The following SHC3 variants were observed in gnomAD, a reference collection of about 807,000 sequenced individuals.
SHC3 encodes SHC-transforming protein 3.
Under a neutral mutation model 60.4 loss-of-function variants are expected in SHC3, and 15 were observed. That is an observed-to-expected ratio of 0.25 (90% CI 0.17 to 0.38). The LOEUF (loss-of-function observed/expected upper bound fraction) is 0.38, where lower values mean the gene tolerates loss of function less well. Ranked by LOEUF, SHC3 falls within the 10% of genes least tolerant of loss-of-function variation. SHC3 has a pLI of 1.00. For synonymous variants in SHC3, 294 were observed against 325.9 expected, an observed-to-expected ratio of 0.90 and a Z score of 1.05; for missense variants, 677 against 786.1, an observed-to-expected ratio of 0.86 and a Z score of 1.66.
chr9:89,046,823 G>GA (rs763735205), intron 8 of SHC3, 21 bp downstream of exon 8: 4 of 1,496,508 alleles, frequency 2.7e-6, no homozygotes, highest in Non-Finnish European at 3.6e-6. Flanking sequence ...CCTTATATAA[G>GA]AAAAAAACTA....
In SHC3 at chr9:89,042,028, A is replaced by G. The variant is rs770642490; in HGVS notation, c.1358T>C (p.Met453Thr). ...ACCAGAGACAAACAGAAACCCACTC[A>G]TGTCAAAGAGGTCTTTCCTTGGGCT... ...ESSPRKDLFD[M>T]KPFEDALKNQ... is the part of the protein sequence containing the mutation. Residue 453 changes from methionine (M) to threonine (T), a missense_variant and splice_region_variant, in exon 10 of 12, where the codon ATG becomes ACG. Physicochemically the swap from Met to Thr is moderately conservative, Grantham distance 81 (BLOSUM62 -1). Coordinates refer to ENST00000375835, the MANE Select transcript of SHC3 (RefSeq NM_016848.6). 2 of 1,613,740 alleles carry G rather than the reference A, an allele frequency of 1.2e-6. No homozygotes were observed.
intron 1 of SHC3, among the ~76,000 whole-genome samples, chr9:89,157,113 C>T (rs567155242): frequency 6.6e-6 from 1 of 152,162 alleles, no homozygotes; most frequent in East Asian, 1.9e-4. Context: ...ACTTAAATAC[C>T]CTCCCGCTAA....
intron 6 of SHC3, 57 bp from the exon 7 acceptor site, chr9:89,052,220 C>T: frequency 1.9e-6 from 3 of 1,603,978 alleles, no homozygotes; most frequent in East Asian, 2.2e-5. Context: ...TACCTGGGCT[C>T]CTCTACAAAG....
chr9:89,162,598 TGGA>T (rs1826725246), intron 1 of SHC3, among the ~76,000 whole-genome samples: 1 of 152,006 alleles, frequency 6.6e-6, no homozygotes. Context: ...CAATTCAAGA[TGGA>T]TTAAAGACTT....
intron 5 of SHC3, among the ~76,000 whole-genome samples, chr9:89,066,120 G>GT (rs1333014174): frequency 6.6e-5 from 10 of 152,136 alleles, no homozygotes; most frequent in African/African-American, 2.4e-4. Context: ...ATTTGAGCTG[G>GT]TATCAGAATC....
chr9:89,151,150 C>G (rs1041575623), intron 1 of SHC3, among the ~76,000 whole-genome samples: 4 of 152,202 alleles, frequency 2.6e-5, no homozygotes, highest in African/African-American at 9.6e-5. Flanking sequence ...TCCTGAGTAT[C>G]TGGGACTACA....
chr9:89,064,767 T>C lies in SHC3; in HGVS notation c.835+762A>G, dbSNP rs576422250. ...AAGGTAGCAAAACAGAATATTAGGA[T>C]CTCATTTGTATGAAAATGTTAAAAA... On this transcript the variant is annotated intron_variant, in intron 6 of 11. Coordinates refer to ENST00000375835, the MANE Select transcript of SHC3 (RefSeq NM_016848.6). Among the ~76,000 whole-genome samples, 31 of 152,230 alleles carry C rather than the reference T, an allele frequency of 2.0e-4. No homozygotes were observed. The East Asian group carries it at 4.3e-3, about 21-fold the overall frequency.
chr9:89,113,820 T>C (rs1017629463), intron 1 of SHC3, among the ~76,000 whole-genome samples: 1 of 152,210 alleles, frequency 6.6e-6, no homozygotes, highest in Non-Finnish European at 1.5e-5. Context: ...AGGCAGATAT[T>C]TGAATAGCAC....
intron 1 of SHC3, among the ~76,000 whole-genome samples, chr9:89,133,856 C>T (rs1423667937): frequency 1.3e-5 from 2 of 152,110 alleles, no homozygotes; most frequent in African/African-American, 2.4e-5. Context: ...CACATGTATA[C>T]ATATGTAACA....
chr9:89,025,194 T>TCA (rs34622700), intron 11 of SHC3, among the ~76,000 whole-genome samples: 2 of 150,592 alleles, frequency 1.3e-5, no homozygotes, highest in Non-Finnish European at 3.0e-5. Context: ...CTGGAACAGG[T>TCA]CACACACACA....
chr9:89,064,880 T>G (rs1195906487), intron 6 of SHC3, among the ~76,000 whole-genome samples: 1 of 151,726 alleles, frequency 6.6e-6, no homozygotes, highest in African/African-American at 2.4e-5. Flanking sequence ...TGAAAGGGAG[T>G]GCTGTTTTGT....
intron 1 of SHC3, among the ~76,000 whole-genome samples, chr9:89,124,389 G>A (rs1564161819): frequency 6.6e-6 from 1 of 152,106 alleles, no homozygotes; most frequent in Non-Finnish European, 1.5e-5. Context: ...ACATGCACAA[G>A]TATGTTTACT....
chr9:89,176,252 C>T (rs977561661), intron 1 of SHC3, among the ~76,000 whole-genome samples: 1 of 152,186 alleles, frequency 6.6e-6, no homozygotes, highest in African/African-American at 2.4e-5. Context: ...AAGTCACAAA[C>T]CTTACAGCAA....
chr9:89,054,684 G>T (rs977619819), intron 6 of SHC3, among the ~76,000 whole-genome samples: 5 of 152,246 alleles, frequency 3.3e-5, no homozygotes, highest in Non-Finnish European at 5.9e-5. Flanking sequence ...AACCAAGAGA[G>T]GTATGCAGCC....
chr9:89,175,204 T>C (rs1826925780), intron 1 of SHC3, among the ~76,000 whole-genome samples: 1 of 152,182 alleles, frequency 6.6e-6, no homozygotes, highest in Admixed American at 6.5e-5. Context: ...TCAAGATACT[T>C]AGGGGAGTAA....
intron 8 of SHC3, among the ~76,000 whole-genome samples, chr9:89,046,368 A>G (rs1234744020): frequency 2.0e-5 from 3 of 152,100 alleles, no homozygotes; most frequent in African/African-American, 7.2e-5. Flanking sequence ...CCTATAACAA[A>G]ACAGAAATAT....
chr9:89,122,085 A>G (rs1474672779), intron 1 of SHC3, among the ~76,000 whole-genome samples: 1 of 152,176 alleles, frequency 6.6e-6, no homozygotes, highest in African/African-American at 2.4e-5. Flanking sequence ...CAACACAAGC[A>G]TTCCCTATTA....
chr9:89,154,221 C>T (rs1004817367), intron 1 of SHC3, among the ~76,000 whole-genome samples: 4 of 151,046 alleles, frequency 2.6e-5, no homozygotes, highest in Non-Finnish European at 5.9e-5. Context: ...TTTTTTAGCT[C>T]ATCAGCTATC....
chr9:89,020,810 G>C (rs1460917354), intron 11 of SHC3, among the ~76,000 whole-genome samples: 1 of 152,156 alleles, frequency 6.6e-6, no homozygotes, highest in Non-Finnish European at 1.5e-5. Context: ...CAGTGACTAA[G>C]CTGGGCACAA....
Sources: gnomAD v4.1 joint callset for allele counts (sites outside exome capture counted in the v4.1 genomes callset) on GRCh38, gnomAD v4.1.1 for gene constraint, MANE v1.5 for transcripts, NCBI Gene and HGNC (gene_info 2026-07-23, HGNC 2026-07-21) for gene names.